SPTLC3: variants seen among roughly 807,000 people sequenced by gnomAD.
SPTLC3 encodes the protein serine palmitoyltransferase 3.
A neutral mutation model predicts 59.3 loss-of-function variants in SPTLC3; 36 were observed. That is an observed-to-expected ratio of 0.61 (90% CI 0.47 to 0.80). SPTLC3 has a LOEUF of 0.80. SPTLC3 is among the 30% of genes least tolerant of loss of function. SPTLC3 has a pLI of 0.00. For synonymous variants in SPTLC3, 257 were observed against 240.8 expected, an observed-to-expected ratio of 1.07 and a Z score of -0.62; for missense variants, 625 against 685.1, an observed-to-expected ratio of 0.91 and a Z score of 0.98.
intron 2 of SPTLC3, among the ~76,000 whole-genome samples, chr20:13,055,401 T>C (rs1025973297): frequency 3.9e-5 from 6 of 152,208 alleles, no homozygotes; most frequent in Admixed American, 3.3e-4. Flanking sequence ...GTGATCTCCA[T>C]GGCCCCTAAC....
intron 2 of SPTLC3, among the ~76,000 whole-genome samples, chr20:13,053,866 G>T (rs1600234693): frequency 6.6e-6 from 1 of 152,178 alleles, no homozygotes. Context: ...AACGAACAAA[G>T]CCTCCAAGAA....
intron 6 of SPTLC3, among the ~76,000 whole-genome samples, chr20:13,103,446 G>C (rs763299593): frequency 1.1e-4 from 16 of 152,176 alleles, no homozygotes; most frequent in Admixed American, 2.6e-4. Context: ...AAGGGACTAG[G>C]AACAGTAAAA....
chr20:13,100,266 G>A (rs1989557242), intron 6 of SPTLC3, among the ~76,000 whole-genome samples: 1 of 151,938 alleles, frequency 6.6e-6, no homozygotes, highest in African/African-American at 2.4e-5. Context: ...TAACTCCAAA[G>A]CTATTCATTA....
chr20:13,103,916 G>A (rs1379908159), intron 6 of SPTLC3, among the ~76,000 whole-genome samples: 1 of 152,168 alleles, frequency 6.6e-6, no homozygotes, highest in Non-Finnish European at 1.5e-5. Context: ...CTACCTTCTT[G>A]GAAGATTCTG....
chr20:13,108,961 C>T lies in SPTLC3; in HGVS notation c.827-1151C>T, dbSNP rs1191515561. Among the ~76,000 whole-genome samples, 3 of 152,038 alleles carry T rather than the reference C, an allele frequency of 2.0e-5. No individual in the cohort carries two copies. The East Asian group carries it at 5.8e-4, about 29-fold the overall frequency. On this transcript the variant is annotated intron_variant, in intron 6 of 11. Coordinates refer to ENST00000399002, the MANE Select transcript of SPTLC3 (RefSeq NM_018327.4). ...GACCTAAGTATTTCAGTTTCATCTT[C>T]TCAAAAAAGGGAAAGCTTAGGAAAT...
At chr20:13,054,808 G>A (rs1484096809) in intron 2 of SPTLC3, among the ~76,000 whole-genome samples, 1 of 152,156 alleles carries the variant, frequency 6.6e-6, no homozygotes, top group African/African-American at 2.4e-5. Context: ...TCTTCAGCAT[G>A]TCGACAGGAA....
chr20:13,091,046 A>G (rs1422525587), intron 4 of SPTLC3, 37 bp from the exon 5 acceptor site: 2 of 1,609,066 alleles, frequency 1.2e-6, no homozygotes, highest in South Asian at 2.2e-5. Context: ...CCTTGTTGAA[A>G]AGAGAAGGCT....
intron 2 of SPTLC3, among the ~76,000 whole-genome samples, chr20:13,052,891 A>T (rs1161267858): frequency 1.3e-5 from 2 of 152,302 alleles, no homozygotes; most frequent in East Asian, 1.9e-4. Context: ...CAGCAGCCCC[A>T]GTCAGGGGTT....
At position 13,154,152 on chromosome 20, in the gene SPTLC3, G is replaced by C. The variant is rs370644573; in HGVS notation, c.1415+14G>C. 12 of 1,613,622 alleles carry C rather than the reference G, an allele frequency of 7.4e-6. No individual in the cohort carries two copies. The highest frequency in any genetic ancestry group is 1.0e-5 in the Non-Finnish European group (12 of 1,179,846). Reference sequence around the variant, plus strand: ...TGGTAAAGTAGCGTAAGTATCCAAGGCATCTCATAATCACACCTAAACCCC... The same window carrying C: ...TGGTAAAGTAGCGTAAGTATCCAAGCCATCTCATAATCACACCTAAACCCC... On this transcript the variant is annotated intron_variant, in intron 10 of 11. Transcript: ENST00000399002.
chr20:13,126,021 C>T (rs548507961), intron 8 of SPTLC3, among the ~76,000 whole-genome samples: 4 of 152,302 alleles, frequency 2.6e-5, no homozygotes, highest in South Asian at 2.1e-4. Context: ...CCTCCCTCCA[C>T]GTTTTCTTTT....
chr20:13,031,373 A>C (rs2122431843), intron 1 of SPTLC3, among the ~76,000 whole-genome samples: 1 of 152,326 alleles, frequency 6.6e-6, no homozygotes, highest in Non-Finnish European at 1.5e-5. Context: ...ATTGAACAGC[A>C]TAGATCTAAA....
chr20:13,151,031 T>C (rs1400130240), intron 9 of SPTLC3, among the ~76,000 whole-genome samples: 6 of 152,220 alleles, frequency 3.9e-5, no homozygotes, highest in African/African-American at 1.2e-4. Flanking sequence ...TTTATTAATG[T>C]CTGTTTCTCT....
intron 1 of SPTLC3, among the ~76,000 whole-genome samples, chr20:13,046,231 C>A (rs538426585): frequency 4.3e-4 from 66 of 152,264 alleles, no homozygotes; most frequent in African/African-American, 1.5e-3. Context: ...TCACCTTCAA[C>A]CATGACTTAA....
At chr20:13,119,220 ACT>A (rs1416999512) in intron 8 of SPTLC3, among the ~76,000 whole-genome samples, 3 of 152,148 alleles carry the variant, frequency 2.0e-5, no homozygotes, top group African/African-American at 7.2e-5. Flanking sequence ...ACGAAGCATA[ACT>A]CTACTTCCTG....
At chr20:13,092,690 A>G (rs1989268883) in intron 5 of SPTLC3, among the ~76,000 whole-genome samples, 1 of 152,122 alleles carries the variant, frequency 6.6e-6, no homozygotes, top group African/African-American at 2.4e-5. Context: ...TAGAGTACAA[A>G]TATATGGGAA....
At chr20:13,054,576 A>T (rs1191339425) in intron 2 of SPTLC3, among the ~76,000 whole-genome samples, 1 of 152,170 alleles carries the variant, frequency 6.6e-6, no homozygotes, top group Non-Finnish European at 1.5e-5. Flanking sequence ...GACCTAGGAA[A>T]ATAGGAAGAA....
chr20:13,116,199 G>A (rs763704262), intron 7 of SPTLC3, among the ~76,000 whole-genome samples: 2 of 152,072 alleles, frequency 1.3e-5, no homozygotes, highest in African/African-American at 2.4e-5. Context: ...TGACTGAATC[G>A]ACCTAACACT....
At position 13,153,992 on chromosome 20, in the gene SPTLC3, T is replaced by C. The variant is rs763774275; in HGVS notation, c.1280-11T>C. 1.2e-6 allele frequency: 2 copies of C among 1,612,932 alleles called. No homozygotes were observed. The highest frequency in any genetic ancestry group is 8.5e-7 in the Non-Finnish European group (1 of 1,179,510). The stretch of plus-strand genomic sequence containing the variant: ...TGGGAATTGATGGATTTCACGCCTG[T>C]CTCTTTTCAGGGCTGCAGAGAGTAC... On this transcript the variant is annotated splice_polypyrimidine_tract_variant and intron_variant, in intron 9 of 11. Coordinates refer to ENST00000399002, the MANE Select transcript of SPTLC3 (RefSeq NM_018327.4).
At chr20:13,055,359 T>A (rs1987676854) in intron 2 of SPTLC3, among the ~76,000 whole-genome samples, 1 of 151,982 alleles carries the variant, frequency 6.6e-6, no homozygotes, top group African/African-American at 2.4e-5. Flanking sequence ...AAAATGGGAT[T>A]TGAAGGGGAA....
Sources: allele counts gnomAD v4.1 joint callset (sites outside exome capture counted in the v4.1 genomes callset), GRCh38; gene constraint gnomAD v4.1.1; transcripts MANE v1.5; gene names NCBI Gene and HGNC (gene_info 2026-07-23, HGNC 2026-07-21).